The following AFF2 variants were observed in gnomAD, a reference collection of about 807,000 sequenced individuals.
AFF2 encodes the protein AF4/FMR2 family member 2.
A neutral mutation model predicts 76.9 loss-of-function variants in AFF2; 14 were observed. The observed-to-expected ratio is 0.18, with a 90% CI of 0.12 to 0.28. The LOEUF (loss-of-function observed/expected upper bound fraction) is 0.28. Ranked by LOEUF, AFF2 falls within the 10% of genes least tolerant of loss-of-function variation. The pLI, the probability that AFF2 is intolerant of heterozygous loss-of-function variation, is 1.00. For missense variants in AFF2, 868 were observed against 1,001.1 expected (o/e 0.87, Z 1.79); for synonymous variants, 398 against 366.7 (o/e 1.09, Z -0.98).
chrX:148,619,680 C>A (rs976724114), intron 1 of AFF2, among the ~76,000 whole-genome samples: 1 of 111,822 alleles, frequency 8.9e-6, no homozygotes, highest in Non-Finnish European at 1.9e-5. Context: ...AAAGATTTAT[C>A]ATAGTCCATG....
chrX:148,932,997 G>T (rs1213506723), intron 9 of AFF2, among the ~76,000 whole-genome samples: 1 of 112,189 alleles, frequency 8.9e-6, no homozygotes, highest in East Asian at 2.8e-4. Context: ...ATATTGGAAG[G>T]TGATAAATAT....
chrX:148,679,676 A>C (rs1019466658), intron 3 of AFF2, among the ~76,000 whole-genome samples: 1 of 111,780 alleles, frequency 8.9e-6, no homozygotes. Context: ...ATTACTTCCC[A>C]GATGAGCAGA....
chrX:148,720,765 G>A (rs944809427), intron 3 of AFF2, among the ~76,000 whole-genome samples: 3 of 111,946 alleles, frequency 2.7e-5, no homozygotes, highest in African/African-American at 9.7e-5. Context: ...CAAGTAAGAG[G>A]GTGGCAATTT....
rs201283360 is a variant in AFF2 at position 148,899,949 on chromosome X, AAT to A, written c.1360-4258_1360-4257del. On this transcript the variant is annotated intron_variant, in intron 8 of 20. Coordinates refer to ENST00000370460, the MANE Select transcript of AFF2 (RefSeq NM_002025.4). The stretch of plus-strand genomic sequence containing the variant: ...CCAAAAGATTCTCACATTTTCTATA[AAT>A]ATATATATATATAACCCCCAAAAGA... Among the ~76,000 whole-genome samples, 368 of 108,288 alleles carry A rather than the reference AAT, an allele frequency of 3.4e-3. 1 individual carries two copies. Among genetic ancestry groups the A allele is most frequent in the African/African-American group, 9.0e-3 (269 of 29,943 alleles). 94.0% of individuals were successfully genotyped at this position (108,288 alleles called of 115,157 possible).
At chrX:148,502,916 C>G (rs1324209256) in intron 1 of AFF2, among the ~76,000 whole-genome samples, 1 of 112,465 alleles carries the variant, frequency 8.9e-6, no homozygotes, top group Non-Finnish European at 1.9e-5. Flanking sequence ...TGTTTGATTT[C>G]TTTAAAAAAA....
intron 9 of AFF2, among the ~76,000 whole-genome samples, chrX:148,940,411 C>A (rs1234112910): frequency 8.9e-6 from 1 of 111,954 alleles, no homozygotes; most frequent in Non-Finnish European, 1.9e-5. Flanking sequence ...AGTGGTTGAC[C>A]ACAAATGTAA....
Position 148,966,982 on chromosome X carries a change from G to C in AFF2, c.3106G>C (p.Asp1036His). Residue 1036 changes from aspartate to histidine, a missense_variant, in exon 14 of 21, where the codon GAT (aspartate) becomes CAT (histidine). Asp to His is a moderately conservative substitution (Grantham distance 81). Around this residue, in one of 6 missense-constraint regions of AFF2, gnomAD observed 532 missense variants for 564.2 expected, o/e 0.94. Transcript: ENST00000370460. ...CTCTACCATCACTACTGGCCTCATG[G>C]ATAGCAGTCACCTGGAGATGACGTC... is the stretch of plus-strand genomic sequence containing the variant. The part of the protein sequence containing the change: ...ITSTITTGLM[D>H]SSHLEMTSWA... 1 of 1,211,439 alleles carries C rather than the reference G, an allele frequency of 8.3e-7. No homozygotes were observed. Among genetic ancestry groups the C allele is most frequent in the Non-Finnish European group, 1.1e-6 (1 of 895,459 alleles).
At chrX:148,975,943 C>CAAAAAAAAAA (rs59057839) in intron 16 of AFF2, among the ~76,000 whole-genome samples, 1 of 22,719 alleles carries the variant, frequency 4.4e-5, no homozygotes, top group Non-Finnish European at 1.1e-4. Context: ...GACTCCGTCT[C>CAAAAAAAAAA]AAAAAAAAAA....
intron 1 of AFF2, among the ~76,000 whole-genome samples, chrX:148,614,755 T>C (rs5980548): frequency 2.1e-3 from 95 of 44,740 alleles, no homozygotes; most frequent in African/African-American, 5.4e-3. Context: ...TCTTTCTTTC[T>C]TTCTTTCTTT....
intron 7 of AFF2, among the ~76,000 whole-genome samples, chrX:148,863,510 A>C (rs1369777781): frequency 8.9e-6 from 1 of 111,853 alleles, no homozygotes; most frequent in Non-Finnish European, 1.9e-5. Context: ...TTGATTGCCT[A>C]TTCACTGAGG....
In AFF2 at chrX:148,581,783, A is replaced by G. The variant is rs182832320; in HGVS notation, c.48-70216A>G. ...AGTTCAATGTATACTTACTAAAAAT[A>G]AAGATTCTTTTACATAAGCACAGCA... On this transcript the variant is annotated intron_variant, in intron 1 of 20. Transcript: ENST00000370460. 1.3e-3 allele frequency among the ~76,000 whole-genome samples: 152 copies of G among 112,713 alleles called. 1 individual carries two copies. Among genetic ancestry groups the G allele is most frequent in the Non-Finnish European group, 2.3e-3 (120 of 53,180 alleles).
rs1023462028 is a variant in AFF2 at position 149,000,000 on chromosome X, G to C, written c.*8668G>C. On this transcript the variant is annotated 3_prime_UTR_variant, in exon 21 of 21. Transcript: ENST00000370460. ...GCTGCAGTCTAAAACCCTGGGGCCC[G>C]TGCCTGGCCTATGCTCCCTCCCAAG... 1 of 111,486 alleles carries C rather than the reference G, an allele frequency of 9.0e-6. No individual in the cohort carries two copies. The highest frequency in any genetic ancestry group is 1.9e-5 in the Non-Finnish European group (1 of 53,127). The allele number at this position is 111,486 out of a possible 1,213,427, so 9.2% of individuals were successfully genotyped here.
chrX:148,762,400 T>A (rs1446238829), intron 3 of AFF2, among the ~76,000 whole-genome samples: 1 of 105,329 alleles, frequency 9.5e-6, no homozygotes, highest in Non-Finnish European at 1.9e-5. Flanking sequence ...GGCTGAGTAG[T>A]ATTCTATGGT....
chrX:148,983,784 C>T (rs1013000034), intron 19 of AFF2, among the ~76,000 whole-genome samples: 2 of 108,468 alleles, frequency 1.8e-5, no homozygotes, highest in Admixed American at 2.0e-4. Flanking sequence ...TATCCCCTAT[C>T]CTCATGCTAT....
intron 1 of AFF2, among the ~76,000 whole-genome samples, chrX:148,521,345 T>A (rs782373339): frequency 5.9e-4 from 60 of 101,721 alleles, no homozygotes; most frequent in Admixed American, 5.5e-3. Context: ...CACATTCAGG[T>A]TCCACAGGTA....
intron 3 of AFF2, among the ~76,000 whole-genome samples, chrX:148,780,584 T>G (rs1022684847): frequency 9.8e-5 from 11 of 112,073 alleles, no homozygotes; most frequent in Non-Finnish European, 1.9e-4. Flanking sequence ...TCTTGCTGTG[T>G]TTTTCAGCTC....
chrX:148,519,126 A>G (rs1478255862), intron 1 of AFF2, among the ~76,000 whole-genome samples: 5 of 111,687 alleles, frequency 4.5e-5, no homozygotes, highest in Admixed American at 3.8e-4. Flanking sequence ...TTATATAAAT[A>G]GAGGCAGTGA....
chrX:148,508,544 A>G (rs1557232774), intron 1 of AFF2, among the ~76,000 whole-genome samples: 1 of 111,661 alleles, frequency 9.0e-6, no homozygotes, highest in African/African-American at 3.3e-5. Context: ...GTGTTGTTAT[A>G]AGGTCATTTT....
chrX:148,561,316 C>T (rs1557240636), intron 1 of AFF2, among the ~76,000 whole-genome samples: 1 of 111,991 alleles, frequency 8.9e-6, no homozygotes, highest in Non-Finnish European at 1.9e-5. Context: ...CTGGAAAGAA[C>T]TGGCTCTAGG....
Sources: gnomAD v4.1 joint callset for allele counts (sites outside exome capture counted in the v4.1 genomes callset) on GRCh38, gnomAD v4.1.1 for gene constraint, gnomAD v4.1.1 regional missense constraint, MANE v1.5 for transcripts, NCBI Gene and HGNC (gene_info 2026-07-23, HGNC 2026-07-21) for gene names.